UGT2B4: variants seen among roughly 807,000 people sequenced by gnomAD.
UGT2B4 encodes the protein UDP-glucuronosyltransferase 2B4.
A neutral mutation model predicts 49.8 loss-of-function variants in UGT2B4; 49 were observed. The observed-to-expected ratio is 0.98, with a 90% CI of 0.78 to 1.25. The LOEUF (loss-of-function observed/expected upper bound fraction) is 1.25, where lower values mean the gene tolerates loss of function less well. UGT2B4 is among the 50% of genes most tolerant of loss of function. The probability of loss-of-function intolerance (pLI) is 0.00; values close to 1 mark genes in which losing one functional copy is unlikely to be tolerated. For synonymous variants in UGT2B4, 246 were observed against 217.7 expected, an observed-to-expected ratio of 1.13 and a Z score of -1.14; for missense variants, 729 against 627.7, an observed-to-expected ratio of 1.16 and a Z score of -1.73.
At chr4:69,525,013 G>T (rs1367961563) in intron 1 of UGT2B4, among the ~76,000 whole-genome samples, 1 of 152,204 alleles carries the variant, frequency 6.6e-6, no homozygotes, top group Non-Finnish European at 1.5e-5. Context: ...AGATTAAATT[G>T]TGTGCCAGAG....
intron 1 of UGT2B4, among the ~76,000 whole-genome samples, chr4:69,501,507 G>A (rs1289397826): frequency 2.0e-5 from 3 of 152,122 alleles, no homozygotes; most frequent in African/African-American, 7.2e-5. Flanking sequence ...GCTTTGAACA[G>A]TCCAAGATGA....
chr4:69,507,581 C>T (rs969103945), intron 1 of UGT2B4, among the ~76,000 whole-genome samples: 2 of 151,972 alleles, frequency 1.3e-5, no homozygotes, highest in Admixed American at 1.3e-4. Context: ...ATGACACAAA[C>T]AAATAGAAAA....
chr4:69,493,486 A>G (rs1728054200), intron 2 of UGT2B4, among the ~76,000 whole-genome samples: 1 of 152,238 alleles, frequency 6.6e-6, no homozygotes, highest in South Asian at 2.1e-4. Context: ...CTATTTTCAA[A>G]GTCTCTTTAG....
intron 1 of UGT2B4, among the ~76,000 whole-genome samples, chr4:69,523,542 A>C (rs945871618): frequency 1.5e-5 from 2 of 131,520 alleles, no homozygotes; most frequent in Non-Finnish European, 3.4e-5. Flanking sequence ...AAATCATGCT[A>C]TAAACGGAGT....
At chr4:69,498,331 C>G (rs1170760219), upstream of UGT2B4, among the ~76,000 whole-genome samples, 1 of 152,068 alleles carries the variant, frequency 6.6e-6, no homozygotes, top group African/African-American at 2.4e-5. Context: ...GCAAGATGGC[C>G]AACTAGAAGC....
chr4:69,484,240 T>C (rs1268028618), intron 5 of UGT2B4, among the ~76,000 whole-genome samples: 1 of 152,166 alleles, frequency 6.6e-6, no homozygotes, highest in Non-Finnish European at 1.5e-5. Context: ...GAAAACAGTT[T>C]GGCAATTTTC....
chr4:69,490,115 G>T (rs564781112), intron 2 of UGT2B4, among the ~76,000 whole-genome samples: 43 of 152,146 alleles, frequency 2.8e-4, no homozygotes, highest in African/African-American at 9.4e-4. Context: ...AAGTTTGTCA[G>T]AGTTTTCCAG....
rs950518472 is a variant in UGT2B4 at position 69,489,474 on chromosome 4, C to T, written c.967G>A (p.Val323Ile). The T allele has an allele frequency of 1.2e-6, 2 of 1,611,432 alleles. No individual in the cohort carries two copies. Among genetic ancestry groups the T allele is most frequent in the Non-Finnish European group, 1.7e-6 (2 of 1,178,472 alleles). ...VSNTSEERAN[V>I]IASALAKIPQ... ...ATCTTGGCAAGGGCTGATGCAATTACATTGGCCCTTTCTTCTGACGTGTTA... is the reference window on the plus strand; with the variant it reads ...ATCTTGGCAAGGGCTGATGCAATTATATTGGCCCTTTCTTCTGACGTGTTA... The change falls in exon 3 of 6, where the codon GTA (valine) becomes ATA (isoleucine). Residue 323 changes from valine to isoleucine, a missense_variant. Coordinates refer to ENST00000305107, the MANE Select transcript of UGT2B4 (RefSeq NM_021139.3).
chr4:69,508,066 T>C (rs1020777593), intron 1 of UGT2B4, among the ~76,000 whole-genome samples: 2 of 152,116 alleles, frequency 1.3e-5, no homozygotes, highest in Non-Finnish European at 2.9e-5. Flanking sequence ...AAAGAAGATA[T>C]ACCTGCATCC....
chr4:69,495,489 T>G lies in UGT2B4; in HGVS notation c.373A>C (p.Lys125Gln). Reference sequence around the variant, plus strand: ...TTTGAAACTATATCCTTACAGAACTTTCTAAGTATGTCATTAAATGTCCAC... The same window carrying G: ...TTTGAAACTATATCCTTACAGAACTGTCTAAGTATGTCATTAAATGTCCAC... ...IMWTFNDILRKFCKDIVSNKK... is the reference protein window; with the variant it reads ...IMWTFNDILRQFCKDIVSNKK... The change falls in exon 1 of 6, where the codon AAG becomes CAG. Residue 125 changes from lysine (K) to glutamine (Q), a missense_variant. Physicochemically the swap from Lys to Gln is moderately conservative, Grantham distance 53. Transcript: ENST00000305107. 6.2e-7 allele frequency: 1 copy of G among 1,612,414 alleles called. No homozygotes were observed. Among genetic ancestry groups the G allele is most frequent in the Non-Finnish European group, 8.5e-7 (1 of 1,179,036 alleles).
Position 69,495,271 on chromosome 4 carries a change from A to T in UGT2B4, c.591T>A (p.Val197=). 6.2e-7 allele frequency: 1 copy of T among 1,613,502 alleles called. No individual in the cohort carries two copies. Among genetic ancestry groups the T allele is most frequent in the Non-Finnish European group, 8.5e-7 (1 of 1,179,774 alleles). The change falls in exon 1 of 6, where the codon GTT becomes GTA. Residue 197 remains valine, a synonymous_variant. Transcript: ENST00000305107. ...LLFPPSYVPV[V]MSELSDQMTF... ...TCATTTGGTCACTTAGTTCTGACAT[A>T]ACAACAGGCACATAGGAAGGAGGGA...
At chr4:69,490,486 G>A (rs1294267179) in intron 2 of UGT2B4, among the ~76,000 whole-genome samples, 3 of 152,134 alleles carry the variant, frequency 2.0e-5, no homozygotes, top group African/African-American at 7.2e-5. Flanking sequence ...ACCCTCTTGA[G>A]TAGATCACCC....
chr4:69,525,838 A>C, exon 1 of UGT2B4: 147 of 762,442 alleles, frequency 1.9e-4, no homozygotes, highest in Non-Finnish European at 2.5e-4. Context: ...GAGGTGGCTC[A>C]CACCGTTAAT....
chr4:69,493,661 C>A (rs780301872), intron 2 of UGT2B4, 32 bp downstream of exon 2: 1 of 1,586,016 alleles, frequency 6.3e-7, no homozygotes, highest in African/African-American at 1.4e-5. Flanking sequence ...ACTGAAACTT[C>A]AAAGCAGACA....
chr4:69,499,206 G>A (rs911032552), upstream of UGT2B4, among the ~76,000 whole-genome samples: 2 of 152,154 alleles, frequency 1.3e-5, no homozygotes, highest in Non-Finnish European at 2.9e-5. Flanking sequence ...GTTCCGATTT[G>A]ATTGTGCTGT....
intron 1 of UGT2B4, among the ~76,000 whole-genome samples, chr4:69,520,958 C>A (rs1728837620): frequency 1.3e-5 from 2 of 152,170 alleles, no homozygotes; most frequent in Non-Finnish European, 2.9e-5. Flanking sequence ...AATTATGGTG[C>A]CTTTTCCATG....
chr4:69,501,127 G>C (rs551106010), intron 1 of UGT2B4, among the ~76,000 whole-genome samples: 1 of 152,098 alleles, frequency 6.6e-6, no homozygotes, highest in Non-Finnish European at 1.5e-5. Flanking sequence ...TGTGCCTACC[G>C]GGGATGGAGC....
upstream of UGT2B4, among the ~76,000 whole-genome samples, chr4:69,500,040 A>G (rs1218813001): frequency 6.6e-6 from 1 of 152,220 alleles, no homozygotes; most frequent in Non-Finnish European, 1.5e-5. Context: ...TGTGGTACAT[A>G]TACACTGTGG....
Position 69,495,069 on chromosome 4 carries a change from C to T in UGT2B4, c.721+72G>A, listed in dbSNP as rs796977249. ...ATACCCCACTACCCTGACTTTATGG[C>T]TTTATACAAACTCAGCTTCAAAGGT... On this transcript the variant is annotated intron_variant, in intron 1 of 5. Coordinates refer to ENST00000305107, the MANE Select transcript of UGT2B4 (RefSeq NM_021139.3). The T allele has an allele frequency of 8.5e-6, 12 of 1,415,046 alleles. No individual in the cohort carries two copies. The African/African-American group carries it at 1.7e-4, about 20-fold the overall frequency. 87.7% of individuals were successfully genotyped at this position (1,415,046 alleles called of 1,614,324 possible).
Sources: gnomAD v4.1 joint callset for allele counts (sites outside exome capture counted in the v4.1 genomes callset) on GRCh38, gnomAD v4.1.1 for gene constraint, MANE v1.5 for transcripts, NCBI Gene and HGNC (gene_info 2026-07-23, HGNC 2026-07-21) for gene names.